Variants in NAE1 observed in about 807,000 individuals in gnomAD.
NAE1 encodes the protein NEDD8 activating enzyme E1 subunit 1, also known as NEDD8-activating enzyme E1 regulatory subunit.
A neutral mutation model predicts 88.0 loss-of-function variants in NAE1; 59 were observed. The ratio of observed to expected loss-of-function variants is 0.67; its 90% CI spans 0.54 to 0.83. The LOEUF is 0.83. Ranked by LOEUF, NAE1 falls within the 40% of genes least tolerant of loss-of-function variation. The pLI is 0.00. For missense variants in NAE1, 554 were observed against 632.8 expected, an observed-to-expected ratio of 0.88 and a Z score of 1.34; for synonymous variants, 186 against 208.9, an observed-to-expected ratio of 0.89 and a Z score of 0.95.
At chr16:66,811,343 A>G (rs1013698795) in intron 13 of NAE1, among the ~76,000 whole-genome samples, 3 of 152,078 alleles carry the variant, frequency 2.0e-5, no homozygotes, top group African/African-American at 7.2e-5. Flanking sequence ...TTTTTTGTAG[A>G]GACGGAGTTT....
intron 13 of NAE1, among the ~76,000 whole-genome samples, chr16:66,811,964 G>A (rs187393956): frequency 6.6e-6 from 1 of 152,074 alleles, no homozygotes; most frequent in African/African-American, 2.4e-5. Context: ...CAGCAGACCT[G>A]GATTCTTTGC....
At chr16:66,805,124 GCA>G (rs1351976838) in intron 19 of NAE1, among the ~76,000 whole-genome samples, 1 of 152,108 alleles carries the variant, frequency 6.6e-6, no homozygotes, top group Non-Finnish European at 1.5e-5. Context: ...AGGCAAATAG[GCA>G]CAGAGGAGCA....
At chr16:66,817,634 C>G (rs2145334291) in intron 8 of NAE1, 147 bp from the exon 9 acceptor site, 1 of 560,298 alleles carries the variant, frequency 1.8e-6, no homozygotes, top group East Asian at 3.4e-5. Flanking sequence ...TTAATAAAAA[C>G]TGCTTTACAA....
intron 1 of NAE1, among the ~76,000 whole-genome samples, chr16:66,829,674 GCCTC>G (rs1960613625): frequency 6.6e-6 from 1 of 152,128 alleles, no homozygotes; most frequent in Non-Finnish European, 1.5e-5. Flanking sequence ...TATCTCCACA[GCCTC>G]AAGACACAGA....
rs1960539648 is a variant in NAE1, at chr16:66,828,172, T to C, written c.54-1392A>G. ...CATATATGGTTGATGGATGCTTAGATAGTTGGAGAGTAAATTTAAGAATAC... is the reference window on the plus strand; with the variant it reads ...CATATATGGTTGATGGATGCTTAGACAGTTGGAGAGTAAATTTAAGAATAC... On this transcript the variant is annotated intron_variant, in intron 1 of 19. Coordinates refer to ENST00000290810, the MANE Select transcript of NAE1 (RefSeq NM_003905.4). 6.5e-6 allele frequency: 6 copies of C among 929,940 alleles called. No homozygotes were observed. The Admixed American group carries it at 9.0e-5, about 14-fold the overall frequency. The allele number at this position is 929,940 out of a possible 1,614,324, so 57.6% of individuals were successfully genotyped here.
At chr16:66,809,849 T>G (rs1959714439) in intron 15 of NAE1, among the ~76,000 whole-genome samples, 1 of 152,118 alleles carries the variant, frequency 6.6e-6, no homozygotes, top group Non-Finnish European at 1.5e-5. Flanking sequence ...GCACAACAGA[T>G]TGGGTATTTT....
chr16:66,810,260 A>T, intron 15 of NAE1, 114 bp downstream of exon 15: 1 of 802,106 alleles, frequency 1.2e-6, no homozygotes, highest in Non-Finnish European at 2.1e-6. Context: ...ATCTATATCT[A>T]TATCACTGAG....
intron 5 of NAE1, 88 bp downstream of exon 5, chr16:66,823,441 A>T (rs753564668): frequency 1.5e-6 from 2 of 1,369,662 alleles, no homozygotes; most frequent in African/African-American, 2.9e-5. Context: ...AAATGACACA[A>T]AGATTCAAAA....
intron 4 of NAE1, among the ~76,000 whole-genome samples, chr16:66,824,289 C>A (rs550061122): frequency 6.6e-6 from 1 of 152,244 alleles, no homozygotes; most frequent in Admixed American, 6.5e-5. Flanking sequence ...AGTTGACTAA[C>A]ATGGTTTTGT....
In NAE1 at chr16:66,821,567, A is replaced by T; in HGVS notation, c.402-8T>A. ...GCTAAGCGTAGTGAAGTGCTGTTTAAAAAAAAAAAGCAAAATATGAACATA... is the reference window on the plus strand; with the variant it reads ...GCTAAGCGTAGTGAAGTGCTGTTTATAAAAAAAAAGCAAAATATGAACATA... On this transcript the variant is annotated splice_polypyrimidine_tract_variant and splice_region_variant and intron_variant, in intron 6 of 19. Coordinates refer to ENST00000290810, the MANE Select transcript of NAE1 (RefSeq NM_003905.4). The T allele has an allele frequency of 6.5e-7, 1 of 1,527,330 alleles. No homozygotes were observed. Among genetic ancestry groups the T allele is most frequent in the African/African-American group, 1.4e-5 (1 of 70,824 alleles). The allele number at this position is 1,527,330 out of a possible 1,614,324, so 94.6% of individuals were successfully genotyped here. A position where few individuals can be genotyped will look rare whatever the true frequency, so the allele number is the denominator to read the frequency against.
At chr16:66,813,897 A>G (rs372509512) in intron 11 of NAE1, 51 bp from the exon 12 acceptor site, 3 of 1,520,680 alleles carry the variant, frequency 2.0e-6, no homozygotes, top group African/African-American at 2.8e-5. Context: ...GAATTCGCCC[A>G]TCTTTATTTT....
chr16:66,809,188 T>C (rs553543634), intron 15 of NAE1, 113 bp from the exon 16 acceptor site: 3 of 644,720 alleles, frequency 4.7e-6, no homozygotes, highest in East Asian at 6.2e-5. Context: ...GACATGAGAA[T>C]GTGAAGAAAT....
At chr16:66,819,559 T>C (rs1960170100) in intron 7 of NAE1, among the ~76,000 whole-genome samples, 1 of 152,246 alleles carries the variant, frequency 6.6e-6, no homozygotes, top group Admixed American at 6.5e-5. Context: ...ATCTCTCTTA[T>C]CCAAAATGCT....
chr16:66,812,510 GTTCTTTTT>G (rs1959844342), intron 13 of NAE1, among the ~76,000 whole-genome samples: 1 of 135,612 alleles, frequency 7.4e-6, no homozygotes, highest in African/African-American at 2.7e-5. Context: ...TGCCCCCTAA[GTTCTTTTT>G]TTTTTTTTTT....
At chr16:66,816,516 T>C (rs1397889685) in intron 11 of NAE1, 65 bp downstream of exon 11, 8 of 1,139,008 alleles carry the variant, frequency 7.0e-6, no homozygotes, top group Non-Finnish European at 7.9e-6. Flanking sequence ...TAGTCAACCA[T>C]TTAATAGCCA....
intron 1 of NAE1, among the ~76,000 whole-genome samples, chr16:66,830,574 G>A (rs897000737): frequency 1.3e-5 from 2 of 152,212 alleles, no homozygotes; most frequent in Non-Finnish European, 2.9e-5. Flanking sequence ...TGGGCGCAAC[G>A]GGGCCGGCAG....
chr16:66,811,652 T>C (rs1216642139), intron 13 of NAE1, among the ~76,000 whole-genome samples: 1 of 152,196 alleles, frequency 6.6e-6, no homozygotes, highest in Middle Eastern at 3.2e-3. Flanking sequence ...ACCACCCGCT[T>C]TGGCCTCCCA....
intron 3 of NAE1, among the ~76,000 whole-genome samples, chr16:66,825,745 G>A (rs1277007710): frequency 6.6e-6 from 1 of 151,956 alleles, no homozygotes; most frequent in African/African-American, 2.4e-5. Flanking sequence ...ATGTCTCAAG[G>A]CCCAGATATG....
intron 6 of NAE1, 85 bp downstream of exon 6, chr16:66,823,142 C>G (rs938679333): frequency 3.2e-5 from 20 of 616,302 alleles, no homozygotes; most frequent in Non-Finnish European, 4.7e-5. Context: ...TTTTTAAAAC[C>G]ATATCATCAT....
Sources: gnomAD v4.1 joint callset for allele counts (sites outside exome capture counted in the v4.1 genomes callset) on GRCh38, gnomAD v4.1.1 for gene constraint, MANE v1.5 for transcripts, NCBI Gene and HGNC (gene_info 2026-07-23, HGNC 2026-07-21) for gene names.